DISP1: variants seen among roughly 807,000 people sequenced by gnomAD.
DISP1 encodes dispatched RND transporter family member 1, also known as protein dispatched homolog 1.
DISP1 carries 30 observed loss-of-function variants against 37.3 expected under a neutral mutation model. The observed-to-expected ratio is 0.80, with a 90% CI of 0.60 to 1.09. The LOEUF (loss-of-function observed/expected upper bound fraction) is 1.09. Ranked by LOEUF, DISP1 falls within the 50% of genes least tolerant of loss-of-function variation. The pLI is 0.00. For missense variants in DISP1, 1,598 were observed against 1,879.5 expected, an observed-to-expected ratio of 0.85 and a Z score of 2.77; for synonymous variants, 634 against 690.2, an observed-to-expected ratio of 0.92 and a Z score of 1.28.
intron 3 of DISP1, among the ~76,000 whole-genome samples, chr1:222,960,959 T>C (rs1676013743): frequency 6.6e-6 from 1 of 152,094 alleles, no homozygotes; most frequent in Non-Finnish European, 1.5e-5. Flanking sequence ...AGTTCTGAAA[T>C]TGAGGCAGTA....
chr1:222,874,179 C>T (rs1270132781), intron 1 of DISP1, among the ~76,000 whole-genome samples: 3 of 152,218 alleles, frequency 2.0e-5, no homozygotes, highest in Non-Finnish European at 4.4e-5. Context: ...TGTGGGTAAC[C>T]TGACCTTTCT....
intron 3 of DISP1, among the ~76,000 whole-genome samples, chr1:222,981,912 G>A (rs1210554079): frequency 6.6e-6 from 1 of 152,174 alleles, no homozygotes; most frequent in Non-Finnish European, 1.5e-5. Flanking sequence ...TTTGGGTCAT[G>A]CAACCCCTTT....
intron 3 of DISP1, among the ~76,000 whole-genome samples, chr1:222,978,549 C>A (rs1251370435): frequency 6.6e-6 from 1 of 152,122 alleles, no homozygotes; most frequent in Non-Finnish European, 1.5e-5. Flanking sequence ...TCAATTTTGG[C>A]TTTTGTTGCC....
chr1:222,931,239 A>C (rs1322118193), intron 2 of DISP1, among the ~76,000 whole-genome samples: 1 of 151,712 alleles, frequency 6.6e-6, no homozygotes, highest in Non-Finnish European at 1.5e-5. Flanking sequence ...CTTTTGCCTA[A>C]CAATGTGTGG....
intron 3 of DISP1, among the ~76,000 whole-genome samples, chr1:222,958,446 C>G (rs1033899624): frequency 5.3e-5 from 8 of 152,080 alleles, no homozygotes; most frequent in Non-Finnish European, 8.8e-5. Flanking sequence ...TTGAAATACA[C>G]GCTTTATGTT....
intron 1 of DISP1, among the ~76,000 whole-genome samples, chr1:222,867,162 G>A (rs568737371): frequency 5.3e-5 from 8 of 152,320 alleles, no homozygotes; most frequent in African/African-American, 1.9e-4. Context: ...TAGAGATGAA[G>A]AAACTTAATC....
At chr1:222,854,224 G>C (rs544062199) in intron 1 of DISP1, among the ~76,000 whole-genome samples, 1 of 152,182 alleles carries the variant, frequency 6.6e-6, no homozygotes, top group Non-Finnish European at 1.5e-5. Flanking sequence ...GTCTTAGTCC[G>C]TTCTCATGCT....
At chr1:222,882,869 AATATT>A (rs1435759942) in intron 1 of DISP1, among the ~76,000 whole-genome samples, 1 of 152,180 alleles carries the variant, frequency 6.6e-6, no homozygotes, top group East Asian at 1.9e-4. Flanking sequence ...ACACTGAAAA[AATATT>A]AAAAAGTATT....
At chr1:222,897,309 G>A (rs1671319811) in intron 1 of DISP1, among the ~76,000 whole-genome samples, 1 of 152,130 alleles carries the variant, frequency 6.6e-6, no homozygotes, top group Non-Finnish European at 1.5e-5. Context: ...TGCCTGTGAT[G>A]GGATATAGTG....
intron 3 of DISP1, among the ~76,000 whole-genome samples, chr1:222,964,485 G>C (rs1053711237): frequency 1.3e-5 from 2 of 151,972 alleles, no homozygotes; most frequent in African/African-American, 2.4e-5. Flanking sequence ...TTCAGTAATA[G>C]CTTAAGAAAC....
rs1558082687 is a variant in DISP1, at chr1:223,003,137, T to C, written c.1740T>C (p.Val580=). Residue 580 remains valine (V), a synonymous_variant, in exon 9 of 9, where the codon GTT becomes GTC. Transcript: ENST00000675850. The surrounding 1 kb of genome is among the most constrained non-coding windows in gnomAD (Gnocchi z 4.3). ...GADDAFVLCD[V]WNYTKFDKPH... is the part of the protein sequence containing the mutation. ...ATGATGCTTTTGTCCTGTGTGATGT[T>C]TGGAACTACACAAAATTTGATAAGC... 1 of 1,614,242 alleles carries C rather than the reference T, an allele frequency of 6.2e-7. No homozygotes were observed. Among genetic ancestry groups the C allele is most frequent in the African/African-American group, 1.3e-5 (1 of 75,056 alleles).
chr1:222,974,791 G>T (rs1453651919), intron 3 of DISP1, among the ~76,000 whole-genome samples: 1 of 152,214 alleles, frequency 6.6e-6, no homozygotes, highest in Admixed American at 6.5e-5. Flanking sequence ...TCATGATAGA[G>T]CCCAAGTGTG....
chr1:222,835,158 T>C (rs1190563664), intron 1 of DISP1: 1 of 152,214 alleles, frequency 6.6e-6, no homozygotes, highest in African/African-American at 2.4e-5. Flanking sequence ...TCTGTTGAAT[T>C]GTATTTAGTA....
chr1:222,833,196 G>A (rs557874256), intron 1 of DISP1, among the ~76,000 whole-genome samples: 17 of 151,392 alleles, frequency 1.1e-4, no homozygotes, highest in African/African-American at 3.9e-4. Flanking sequence ...TAGACAGATT[G>A]GGATAGATAT....
At chr1:222,936,862 T>TTA (rs1553331783) in intron 2 of DISP1, among the ~76,000 whole-genome samples, 1 of 83,976 alleles carries the variant, frequency 1.2e-5, no homozygotes, top group Non-Finnish European at 2.1e-5. Context: ...GATATATAAT[T>TTA]TATATATCAT....
At chr1:222,989,138 A>G (rs1042087674) in intron 4 of DISP1, among the ~76,000 whole-genome samples, 2 of 152,244 alleles carry the variant, frequency 1.3e-5, no homozygotes, top group Admixed American at 6.5e-5. Context: ...TTAGAGACAT[A>G]TAGTAGCTTT....
At chr1:222,917,799 T>A (rs897723961) in intron 1 of DISP1, among the ~76,000 whole-genome samples, 3 of 151,862 alleles carry the variant, frequency 2.0e-5, no homozygotes, top group Non-Finnish European at 4.4e-5. Flanking sequence ...ACAAAAAACT[T>A]GGGAGGTTTT....
rs1667989757 is a variant in DISP1, at chr1:222,847,666, G to T, written c.-159+32588G>T. Among the ~76,000 whole-genome samples, 4 of 151,906 alleles carry T rather than the reference G, an allele frequency of 2.6e-5. No individual in the cohort carries two copies. The South Asian group carries it at 6.2e-4, about 24-fold the overall frequency. The stretch of plus-strand genomic sequence containing the variant: ...TCCCTCCTCTTGCAGTGGAAACCTG[G>T]ATTCTATTAAGTCAATATATTTTGC... On this transcript the variant is annotated intron_variant, in intron 1 of 8. Coordinates refer to ENST00000675850, the MANE Select transcript of DISP1 (RefSeq NM_001377229.1).
intron 1 of DISP1, among the ~76,000 whole-genome samples, chr1:222,871,399 G>A (rs967563215): frequency 1.3e-4 from 20 of 152,148 alleles, no homozygotes; most frequent in East Asian, 7.7e-4. Flanking sequence ...CCATTTTCAC[G>A]ATATTGATTC....
Sources: gnomAD v4.1 joint callset for allele counts (sites outside exome capture counted in the v4.1 genomes callset) on GRCh38, gnomAD v4.1.1 for gene constraint, Gnocchi (gnomAD v3.1) non-coding constraint, MANE v1.5 for transcripts, NCBI Gene and HGNC (gene_info 2026-07-23, HGNC 2026-07-21) for gene names.